The following SEC24B variants were observed in gnomAD, a reference collection of about 807,000 sequenced individuals.
SEC24B encodes protein transport protein Sec24B.
Under a neutral mutation model 142.8 loss-of-function variants are expected in SEC24B, and 45 were observed. The ratio of observed to expected loss-of-function variants is 0.32; its 90% CI spans 0.25 to 0.40. The LOEUF (loss-of-function observed/expected upper bound fraction) is 0.40, where lower values mean the gene tolerates loss of function less well. Among genes scored for constraint, SEC24B ranks in the 10% least tolerant of loss-of-function variants. The pLI is 1.00. For synonymous variants in SEC24B, 574 were observed against 568.2 expected (o/e 1.01, Z -0.15); for missense variants, 1,409 against 1,526.8 (o/e 0.92, Z 1.29).
At chr4:109,538,630 C>T in intron 23 of SEC24B, 34 bp downstream of exon 23, 1 of 1,328,978 alleles carries the variant, frequency 7.5e-7, no homozygotes, top group Non-Finnish European at 1.1e-6. Flanking sequence ...ATGAAGTTGT[C>T]TTTCCTATGT....
chr4:109,456,526 A>G (rs188011561), intron 1 of SEC24B, among the ~76,000 whole-genome samples: 70 of 152,148 alleles, frequency 4.6e-4, no homozygotes, highest in African/African-American at 1.7e-3. Flanking sequence ...ATGGTTTGCT[A>G]TAGGTTTTTA....
intron 6 of SEC24B, among the ~76,000 whole-genome samples, chr4:109,499,506 A>G (rs1379432239): frequency 2.0e-5 from 3 of 152,202 alleles, no homozygotes; most frequent in African/African-American, 7.2e-5. Flanking sequence ...GTGTATATAC[A>G]CACACATACT....
Position 109,437,316 on chromosome 4 carries a change from ACT to A in SEC24B, c.133+3317_133+3318del, listed in dbSNP as rs574919086. ...TTGTTTGTTTTAGAGACAGGGTGTC[ACT>A]CTGCCACCCAGGCTGGAGTCAGTGA... is the stretch of plus-strand genomic sequence containing the variant. On this transcript the variant is annotated intron_variant, in intron 1 of 23. Coordinates refer to ENST00000265175, the MANE Select transcript of SEC24B (RefSeq NM_006323.5). Among the ~76,000 whole-genome samples, 806 of 152,226 alleles carry A rather than the reference ACT, an allele frequency of 5.3e-3. 8 individuals are homozygous for A. The highest frequency in any genetic ancestry group is 0.018 in the African/African-American group (761 of 41,536).
chr4:109,486,846 C>T (rs1172741587), intron 4 of SEC24B, among the ~76,000 whole-genome samples: 1 of 152,120 alleles, frequency 6.6e-6, no homozygotes, highest in African/African-American at 2.4e-5. Flanking sequence ...GATAGGGAAA[C>T]AGATACCATA....
intron 3 of SEC24B, among the ~76,000 whole-genome samples, chr4:109,480,193 A>C (rs765031242): frequency 6.6e-6 from 1 of 151,990 alleles, no homozygotes; most frequent in Non-Finnish European, 1.5e-5. Context: ...TTGCTTCTAA[A>C]CTAAAATTTT....
At chr4:109,492,389 T>G (rs1486874392) in intron 5 of SEC24B, among the ~76,000 whole-genome samples, 2 of 152,032 alleles carry the variant, frequency 1.3e-5, no homozygotes. Flanking sequence ...TCTAGAAGAG[T>G]TGCTTCATTT....
At chr4:109,461,753 G>A (rs1268384494) in intron 1 of SEC24B, among the ~76,000 whole-genome samples, 1 of 152,154 alleles carries the variant, frequency 6.6e-6, no homozygotes, top group East Asian at 1.9e-4. Flanking sequence ...ACTCTTTATT[G>A]TTTGAATTTT....
chr4:109,529,926 G>T (rs1724712237), intron 18 of SEC24B, among the ~76,000 whole-genome samples: 1 of 152,122 alleles, frequency 6.6e-6, no homozygotes. Flanking sequence ...TAGAGACAAG[G>T]TCTCACTATG....
In SEC24B at chr4:109,463,366, C is replaced by G. The variant is rs199632271; in HGVS notation, c.599C>G (p.Ser200Cys). 7.0e-5 allele frequency: 113 copies of G among 1,614,070 alleles called. 5 individuals are homozygous for G. The Admixed American group carries it at 1.6e-3, about 23-fold the overall frequency. Residue 200 changes from serine (S) to cysteine (C), a missense_variant, in exon 2 of 24, where the codon TCT becomes TGT. Ser to Cys is a moderately radical substitution (Grantham distance 112). Transcript: ENST00000265175. ...NAAYPSVSYP[S>C]LPAGDTYGQM... ...GCGTATCCTAGTGTTTCATATCCCT[C>G]TCTGCCTGCTGGTGATACATATGGG...
chr4:109,498,572 G>T (rs1277917898), intron 6 of SEC24B, among the ~76,000 whole-genome samples: 1 of 152,118 alleles, frequency 6.6e-6, no homozygotes, highest in Non-Finnish European at 1.5e-5. Context: ...CACTGTGTTA[G>T]CCAGGATGGT....
At chr4:109,450,111 G>A (rs1578770650) in intron 1 of SEC24B, among the ~76,000 whole-genome samples, 1 of 152,112 alleles carries the variant, frequency 6.6e-6, no homozygotes, top group South Asian at 2.1e-4. Context: ...TACTCTGGAG[G>A]CTGAGATGGG....
At chr4:109,457,331 A>T (rs951924536) in intron 1 of SEC24B, among the ~76,000 whole-genome samples, 2 of 152,230 alleles carry the variant, frequency 1.3e-5, no homozygotes, top group African/African-American at 4.8e-5. Flanking sequence ...ATTTTGTGCT[A>T]CTATGACAGA....
intron 1 of SEC24B, among the ~76,000 whole-genome samples, chr4:109,458,549 T>A (rs1279734371): frequency 6.6e-6 from 1 of 152,170 alleles, no homozygotes. Flanking sequence ...ATTTATTAGG[T>A]GGTTTATGTT....
intron 1 of SEC24B, among the ~76,000 whole-genome samples, chr4:109,437,047 T>C (rs370518253): frequency 5.3e-5 from 8 of 152,332 alleles, no homozygotes; most frequent in African/African-American, 1.9e-4. Context: ...GAAGTACAGA[T>C]GGCAACCTGC....
At position 109,532,684 on chromosome 4, in the gene SEC24B, CA is replaced by C. The variant is rs768887728; in HGVS notation, c.3441del (p.Lys1147AsnfsTer7). On this transcript the variant is annotated frameshift_variant, in exon 21 of 24. Transcript: ENST00000265175. LOFTEE classifies it high-confidence loss of function. ...NDRIVPQPPL[Q>X]KLSAEKLTRE... ...CAGGATTGTACCACAGCCACCTCTT[CA>C]AAAATTGTCTGCAGAGAAGCTGACA... is the stretch of plus-strand genomic sequence containing the variant. 6.2e-7 allele frequency: 1 copy of C among 1,613,526 alleles called. No individual in the cohort carries two copies. The highest frequency in any genetic ancestry group is 2.2e-5 in the East Asian group (1 of 44,856).
At chr4:109,523,657 ATTATAAGTAG>A in intron 14 of SEC24B, among the ~76,000 whole-genome samples, 1 of 152,284 alleles carries the variant, frequency 6.6e-6, no homozygotes, top group South Asian at 2.1e-4. Context: ...AGAAAATATC[ATTATAAGTAG>A]TTATGAGTAT....
intron 4 of SEC24B, among the ~76,000 whole-genome samples, chr4:109,489,648 A>G (rs550042684): frequency 6.8e-6 from 1 of 147,772 alleles, no homozygotes; most frequent in Admixed American, 6.8e-5. Context: ...TATATGATAT[A>G]TATGGTATAT....
chr4:109,538,832 A>C (rs1725846458), intron 23 of SEC24B, among the ~76,000 whole-genome samples: 1 of 152,116 alleles, frequency 6.6e-6, no homozygotes, highest in Non-Finnish European at 1.5e-5. Context: ...CTCAGGCTGC[A>C]GTGCAGGGGT....
intron 16 of SEC24B, 146 bp from the exon 17 acceptor site, chr4:109,526,080 T>A: frequency 1.4e-6 from 1 of 701,740 alleles, no homozygotes; most frequent in Non-Finnish European, 2.4e-6. Context: ...ATTAATATTT[T>A]AGAAACTCTG....
Sources: gnomAD v4.1 joint callset for allele counts (sites outside exome capture counted in the v4.1 genomes callset) on GRCh38, gnomAD v4.1.1 for gene constraint, MANE v1.5 for transcripts, NCBI Gene and HGNC (gene_info 2026-07-23, HGNC 2026-07-21) for gene names.